The following ZBTB16 variants were observed in gnomAD, a reference collection of about 807,000 sequenced individuals.
The protein encoded by ZBTB16 is zinc finger and BTB domain containing 16, also known as zinc finger and BTB domain-containing protein 16.
In ZBTB16, 8 loss-of-function variants were observed where a neutral mutation model predicts 56.8. That is an observed-to-expected ratio of 0.14 (90% CI 0.08 to 0.25). The LOEUF (loss-of-function observed/expected upper bound fraction) is 0.25. ZBTB16 is among the 10% of genes least tolerant of loss of function. The pLI, the probability that ZBTB16 is intolerant of heterozygous loss-of-function variation, is 1.00. For missense variants in ZBTB16, 625 were observed against 903.0 expected (o/e 0.69, Z 3.95); for synonymous variants, 363 against 368.5 (o/e 0.98, Z 0.17).
chr11:114,171,508 C>T, intron 3 of ZBTB16, among the ~76,000 whole-genome samples: 1 of 152,214 alleles, frequency 6.6e-6, no homozygotes, highest in East Asian at 1.9e-4. Flanking sequence ...GGCCTGCTGC[C>T]CATCAGCATT....
At position 114,256,114 on chromosome 11, in the gene ZBTB16, C is replaced by G. The variant is rs1329938197; in HGVS notation, c.*5559C>G. On this transcript the variant is annotated 3_prime_UTR_variant, in exon 7 of 7. Transcript: ENST00000335953. ...TGTGGGGACTGGGAAAAAGAAAGCT[C>G]TGTATTACACATATTTAGACTTATC... 6.6e-6 allele frequency among the ~76,000 whole-genome samples: 1 copy of G among 151,312 alleles called. No homozygotes were observed. The highest frequency in any genetic ancestry group is 2.1e-4 in the South Asian group (1 of 4,796).
chr11:114,082,772 G>A (rs1939814313), intron 2 of ZBTB16, among the ~76,000 whole-genome samples: 1 of 151,992 alleles, frequency 6.6e-6, no homozygotes, highest in Non-Finnish European at 1.5e-5. Context: ...TGGGGAGAGG[G>A]GGTCTTCAGC....
Position 114,119,039 on chromosome 11 carries a change from C to T in ZBTB16, c.1269-37298C>T, listed in dbSNP as rs1941260002. On this transcript the variant is annotated intron_variant, in intron 2 of 6. Coordinates refer to ENST00000335953, the MANE Select transcript of ZBTB16 (RefSeq NM_006006.6). The stretch of plus-strand genomic sequence containing the variant: ...CAGCACTTTGGGAGGCTGAGGCAGG[C>T]GGATCACCTGAGGTCAGGAGTTTGA... 2.6e-5 allele frequency among the ~76,000 whole-genome samples: 4 copies of T among 151,696 alleles called. 1 individual carries two copies. Among genetic ancestry groups the T allele is most frequent in the South Asian group, 4.2e-4 (2 of 4,818 alleles).
intron 2 of ZBTB16, among the ~76,000 whole-genome samples, chr11:114,125,763 G>A (rs923551280): frequency 2.6e-5 from 4 of 152,018 alleles, no homozygotes; most frequent in African/African-American, 9.7e-5. Context: ...TTGCAGGAGC[G>A]CCATCTTGCT....
chr11:114,189,205 A>G (rs1295306378), intron 4 of ZBTB16: 1 of 152,228 alleles, frequency 6.6e-6, no homozygotes, highest in Non-Finnish European at 1.5e-5. Flanking sequence ...TTATAGCTAG[A>G]AATAGAAAGA....
intron 1 of ZBTB16, among the ~76,000 whole-genome samples, chr11:114,061,200 G>C (rs573774052): frequency 2.6e-5 from 4 of 152,072 alleles, no homozygotes; most frequent in Non-Finnish European, 5.9e-5. Flanking sequence ...GGTTATCGCC[G>C]GCTCTTCCCC....
intron 4 of ZBTB16, among the ~76,000 whole-genome samples, chr11:114,240,268 C>T (rs181702337): frequency 1.3e-5 from 2 of 152,186 alleles, no homozygotes; most frequent in Non-Finnish European, 2.9e-5. Context: ...ACTAGTCCAT[C>T]CTAACCCAGC....
intron 3 of ZBTB16, among the ~76,000 whole-genome samples, chr11:114,158,638 G>A (rs771080967): frequency 1.3e-5 from 2 of 152,156 alleles, no homozygotes; most frequent in Non-Finnish European, 2.9e-5. Flanking sequence ...ATTTGGACAC[G>A]TACCTACTGC....
rs532800203 is a variant in ZBTB16 at position 114,190,712 on chromosome 11, C to T, written c.1453+3674C>T. Among the ~76,000 whole-genome samples the T allele has an allele frequency of 1.0e-4, 15 of 148,274 alleles. No homozygotes were observed. In the South Asian group the frequency reaches 3.2e-3, roughly 32 times the overall value. ...GTCAGTAAGAGTCACTGGCATCACTCATGCCACCTCTCTCTCATACACACA... is the reference window on the plus strand; with the variant it reads ...GTCAGTAAGAGTCACTGGCATCACTTATGCCACCTCTCTCTCATACACACA... On this transcript the variant is annotated intron_variant, in intron 4 of 6. Transcript: ENST00000335953.
intron 2 of ZBTB16, among the ~76,000 whole-genome samples, chr11:114,065,734 A>G (rs562773445): frequency 1.3e-5 from 2 of 152,296 alleles, no homozygotes; most frequent in Admixed American, 1.3e-4. Flanking sequence ...CTTCTTTTAC[A>G]TGGAACAATA....
Position 114,063,732 on chromosome 11 carries a change from A to T in ZBTB16, c.432A>T (p.Glu144Asp). ...EATMADGGAEEEEDRKARYLK... is the reference protein window; with the variant it reads ...EATMADGGAEDEEDRKARYLK... ...CCATGGCCGATGGCGGGGCCGAGGAAGAAGAGGACCGCAAGGCTCGGTACC... is the reference window on the plus strand; with the variant it reads ...CCATGGCCGATGGCGGGGCCGAGGATGAAGAGGACCGCAAGGCTCGGTACC... The change falls in exon 2 of 7, where the codon GAA becomes GAT. Residue 144 changes from glutamate (E) to aspartate (D), a missense_variant. This residue lies in a region of ZBTB16 where 384 missense variants were observed against 393.5 expected (regional missense o/e 0.98). Transcript: ENST00000335953. The surrounding 1 kb of genome is among the most constrained non-coding windows in gnomAD (Gnocchi z 6.5). The T allele has an allele frequency of 6.2e-7, 1 of 1,614,038 alleles. No homozygotes were observed.
rs547427909 is a variant in ZBTB16, at chr11:114,223,687, CA to C, written c.1454-18478del. Reference sequence around the variant, plus strand: ...GTTTCATGCCTTCTAGGGAGGCACACAAGAAAATAAGCAAGTCATATACAGG... The same window carrying C: ...GTTTCATGCCTTCTAGGGAGGCACACAGAAAATAAGCAAGTCATATACAGG... On this transcript the variant is annotated intron_variant, in intron 4 of 6. Transcript: ENST00000335953. Among the ~76,000 whole-genome samples the C allele has an allele frequency of 3.2e-4, 48 of 152,170 alleles. 1 individual carries two copies. Among genetic ancestry groups the C allele is most frequent in the Middle Eastern group, 3.4e-3 (1 of 294 alleles).
At chr11:114,113,726 A>G (rs991806107) in intron 2 of ZBTB16, among the ~76,000 whole-genome samples, 2 of 152,182 alleles carry the variant, frequency 1.3e-5, no homozygotes, top group African/African-American at 4.8e-5. Context: ...CCCTTATTCT[A>G]CTTTGACTAC....
intron 2 of ZBTB16, among the ~76,000 whole-genome samples, chr11:114,121,388 T>C (rs1156592836): frequency 6.6e-6 from 1 of 152,140 alleles, no homozygotes; most frequent in Non-Finnish European, 1.5e-5. Flanking sequence ...GAGTGGAAGT[T>C]GAATCCTTGG....
chr11:114,200,702 CCTCAGTTCTTGAT>C (rs1461396696), intron 4 of ZBTB16, among the ~76,000 whole-genome samples: 1 of 152,154 alleles, frequency 6.6e-6, no homozygotes, highest in Non-Finnish European at 1.5e-5. Context: ...GAATAATCAA[CCTCAGTTCTTGAT>C]CTCAGGTTTC....
chr11:114,100,561 TTAAAC>T (rs752010759), intron 2 of ZBTB16, among the ~76,000 whole-genome samples: 22 of 152,296 alleles, frequency 1.4e-4, no homozygotes, highest in South Asian at 6.2e-4. Context: ...ACAAAAGTGT[TTAAAC>T]TAAGACCGAT....
intron 2 of ZBTB16, among the ~76,000 whole-genome samples, chr11:114,091,376 C>G (rs931181596): frequency 1.1e-4 from 16 of 151,822 alleles, no homozygotes; most frequent in Admixed American, 6.6e-5. Context: ...ACAAAAAAAG[C>G]ATGTTTTCCT....
intron 4 of ZBTB16, among the ~76,000 whole-genome samples, chr11:114,198,830 A>G (rs1236025725): frequency 6.6e-6 from 1 of 152,210 alleles, no homozygotes; most frequent in African/African-American, 2.4e-5. Flanking sequence ...ACAGACATGT[A>G]AGGACACGCA....
chr11:114,129,424 G>A (rs921637720), intron 2 of ZBTB16, among the ~76,000 whole-genome samples: 3 of 152,244 alleles, frequency 2.0e-5, no homozygotes, highest in South Asian at 2.1e-4. Flanking sequence ...TTGCAGCCAT[G>A]CAGATATCAT....
Sources: gnomAD v4.1 joint callset for allele counts (sites outside exome capture counted in the v4.1 genomes callset) on GRCh38, gnomAD v4.1.1 for gene constraint, gnomAD v4.1.1 regional missense constraint, Gnocchi (gnomAD v3.1) non-coding constraint, MANE v1.5 for transcripts, NCBI Gene and HGNC (gene_info 2026-07-23, HGNC 2026-07-21) for gene names.